The following CYTH1 variants were observed in gnomAD, a reference collection of about 807,000 sequenced individuals.
CYTH1 encodes the protein cytohesin 1, also known as cytohesin-1.
In CYTH1, 18 loss-of-function variants were observed where a neutral mutation model predicts 61.8. That is an observed-to-expected ratio of 0.29 (90% CI 0.20 to 0.43). The LOEUF (loss-of-function observed/expected upper bound fraction) is 0.43, where lower values mean the gene tolerates loss of function less well. Among genes scored for constraint, CYTH1 ranks in the 20% least tolerant of loss-of-function variants. CYTH1 has a pLI of 1.00. For synonymous variants in CYTH1, 174 were observed against 184.3 expected (o/e 0.94, Z 0.45); for missense variants, 336 against 510.5 (o/e 0.66, Z 3.29).
chr17:78,705,108 A>T (rs2093052007), intron 3 of CYTH1, among the ~76,000 whole-genome samples: 1 of 152,160 alleles, frequency 6.6e-6, no homozygotes, highest in Non-Finnish European at 1.5e-5. Flanking sequence ...TTCCAGTGTA[A>T]GTGGTGAGGC....
At chr17:78,736,752 G>A (rs1297095320) in intron 1 of CYTH1, 7 of 396,554 alleles carry the variant, frequency 1.8e-5, no homozygotes, top group East Asian at 8.7e-5. Flanking sequence ...CGAAAAGTCC[G>A]TTCTGTGCTT....
intron 1 of CYTH1, among the ~76,000 whole-genome samples, chr17:78,772,893 G>A (rs563947870): frequency 3.3e-5 from 5 of 151,598 alleles, no homozygotes; most frequent in Non-Finnish European, 5.9e-5. Context: ...ACAGTGGCAC[G>A]ATCTCAGCTC....
At chr17:78,709,074 G>C (rs1255539177) in intron 2 of CYTH1, 1 of 152,324 alleles carries the variant, frequency 6.6e-6, no homozygotes, top group Non-Finnish European at 1.5e-5. Context: ...AAGCTTGATA[G>C]TTACAAAAAG....
intron 3 of CYTH1, among the ~76,000 whole-genome samples, chr17:78,705,610 A>G (rs1009787889): frequency 6.6e-6 from 1 of 152,160 alleles, no homozygotes; most frequent in Non-Finnish European, 1.5e-5. Context: ...CTCCTATAAG[A>G]AAGTCCGAGC....
chr17:78,680,852 T>A, intron 12 of CYTH1, 119 bp downstream of exon 12: 1 of 976,904 alleles, frequency 1.0e-6, no homozygotes, highest in Non-Finnish European at 1.6e-6. Flanking sequence ...TAATAAAAAA[T>A]TAGACTAAAT....
Position 78,675,902 on chromosome 17 carries a change from C to T in CYTH1, c.*189G>A, listed in dbSNP as rs1771360988. 1.3e-6 allele frequency: 2 copies of T among 1,517,034 alleles called. No individual in the cohort carries two copies. The highest frequency in any genetic ancestry group is 1.3e-5 in the South Asian group (1 of 78,356). The allele number at this position is 1,517,034 out of a possible 1,614,324, so 94.0% of individuals were successfully genotyped here. ...CCATGCTGGACAGGTGGCCGGTCCT[C>T]TCTTCCCCAGTGATAACTGCCCACC... is the stretch of plus-strand genomic sequence containing the variant. On this transcript the variant is annotated 3_prime_UTR_variant, in exon 14 of 14. Coordinates refer to ENST00000446868, the MANE Select transcript of CYTH1 (RefSeq NM_004762.6).
intron 1 of CYTH1, among the ~76,000 whole-genome samples, chr17:78,760,013 G>T (rs2093415738): frequency 6.6e-6 from 1 of 152,108 alleles, no homozygotes; most frequent in Non-Finnish European, 1.5e-5. Context: ...TCCTGGATCT[G>T]CCCTGGTACG....
At chr17:78,743,316 T>C (rs1262704943) in intron 1 of CYTH1, among the ~76,000 whole-genome samples, 1 of 152,184 alleles carries the variant, frequency 6.6e-6, no homozygotes, top group Non-Finnish European at 1.5e-5. Flanking sequence ...TCTGTTCTCG[T>C]CCACAGTACA....
intron 13 of CYTH1, chr17:78,677,648 T>C (rs1238044061): frequency 1.3e-5 from 2 of 152,414 alleles, no homozygotes; most frequent in Admixed American, 6.5e-5. Context: ...CAGAACCGAA[T>C]GCTGGGACCA....
chr17:78,705,526 T>C (rs765639192), intron 3 of CYTH1, among the ~76,000 whole-genome samples: 4 of 152,142 alleles, frequency 2.6e-5, no homozygotes, highest in Non-Finnish European at 4.4e-5. Context: ...AGTATATTAT[T>C]TCTGCTTGAT....
intron 3 of CYTH1, among the ~76,000 whole-genome samples, chr17:78,704,288 G>A (rs1334158345): frequency 6.6e-6 from 1 of 152,190 alleles, no homozygotes; most frequent in Non-Finnish European, 1.5e-5. Context: ...AGTACAAGGG[G>A]CAGAACCTAG....
At chr17:78,757,319 A>G (rs2093405893) in intron 1 of CYTH1, among the ~76,000 whole-genome samples, 1 of 152,008 alleles carries the variant, frequency 6.6e-6, no homozygotes, top group African/African-American at 2.4e-5. Context: ...GTGCAGTTTA[A>G]AAAAAAGAAA....
In CYTH1 at chr17:78,711,314, T is replaced by TACAC. The variant is rs71365530; in HGVS notation, c.23-1586_23-1583dup. Among the ~76,000 whole-genome samples, 970 of 142,364 alleles carry TACAC rather than the reference T, an allele frequency of 6.8e-3. 9 individuals are homozygous for TACAC. Among genetic ancestry groups the TACAC allele is most frequent in the African/African-American group, 0.017 (617 of 36,660 alleles). 93.4% of individuals were successfully genotyped at this position (142,364 alleles called of 152,430 possible). ...TAAATAAATAAATAATATATATATA[T>TACAC]ACACACACACACACACACACACACC... On this transcript the variant is annotated intron_variant, in intron 1 of 13. Coordinates refer to ENST00000446868, the MANE Select transcript of CYTH1 (RefSeq NM_004762.6).
At position 78,717,572 on chromosome 17, in the gene CYTH1, A is replaced by C. The variant is rs2093192118; in HGVS notation, c.23-7840T>G. Reference sequence around the variant, plus strand: ...AATGGGTTCCAGCCAGTGGCATACAAAGGAGGACTGTCTTAAAGGGACAGA... The same window carrying C: ...AATGGGTTCCAGCCAGTGGCATACACAGGAGGACTGTCTTAAAGGGACAGA... On this transcript the variant is annotated intron_variant, in intron 1 of 13. Coordinates refer to ENST00000446868, the MANE Select transcript of CYTH1 (RefSeq NM_004762.6). This position sits in a 1 kb window ranked among gnomAD's most constrained non-coding sequence, Gnocchi z 4.4. Among the ~76,000 whole-genome samples, 2 of 152,150 alleles carry C rather than the reference A, an allele frequency of 1.3e-5. No individual in the cohort carries two copies. The highest frequency in any genetic ancestry group is 4.8e-5 in the African/African-American group (2 of 41,440).
chr17:78,728,548 CA>C (rs879444799), intron 1 of CYTH1, among the ~76,000 whole-genome samples: 262 of 126,546 alleles, frequency 2.1e-3, no homozygotes, highest in Middle Eastern at 3.9e-3. Context: ...AACTCCATCT[CA>C]AAAAAAAAAA....
chr17:78,718,373 G>A (rs2093201159), intron 1 of CYTH1, among the ~76,000 whole-genome samples: 1 of 152,128 alleles, frequency 6.6e-6, no homozygotes, highest in African/African-American at 2.4e-5. Context: ...CACCTGCTCA[G>A]AGGAGAACAA....
chr17:78,761,759 T>C (rs901176460), intron 1 of CYTH1, among the ~76,000 whole-genome samples: 1 of 152,118 alleles, frequency 6.6e-6, no homozygotes, highest in Non-Finnish European at 1.5e-5. Context: ...AAAAAGAGTG[T>C]TATTTTTAAA....
chr17:78,779,400 CAAAAAAAAAA>C (rs56061178), intron 1 of CYTH1, among the ~76,000 whole-genome samples: 2 of 84,172 alleles, frequency 2.4e-5, no homozygotes, highest in South Asian at 4.1e-4. Flanking sequence ...AACTCCATCT[CAAAAAAAAAA>C]AAAAAAAAAA....
chr17:78,690,426 A>G (rs1340288676), intron 11 of CYTH1, among the ~76,000 whole-genome samples: 8 of 137,782 alleles, frequency 5.8e-5, no homozygotes, highest in East Asian at 2.1e-4. Flanking sequence ...AAAAAAAAAA[A>G]AAAAAGAAAT....
Sources: gnomAD v4.1 joint callset for allele counts (sites outside exome capture counted in the v4.1 genomes callset) on GRCh38, gnomAD v4.1.1 for gene constraint, Gnocchi (gnomAD v3.1) non-coding constraint, MANE v1.5 for transcripts, NCBI Gene and HGNC (gene_info 2026-07-23, HGNC 2026-07-21) for gene names.